The following HELZ variants were observed in gnomAD, a reference collection of about 807,000 sequenced individuals.
HELZ encodes the protein helicase with zinc finger.
In HELZ, 23 loss-of-function variants were observed where a neutral mutation model predicts 218.2. The ratio of observed to expected loss-of-function variants is 0.11; its 90% CI spans 0.08 to 0.15. The LOEUF (loss-of-function observed/expected upper bound fraction) is 0.15. HELZ is among the 10% of genes least tolerant of loss of function. HELZ has a pLI of 1.00. For synonymous variants in HELZ, 814 were observed against 829.4 expected (o/e 0.98, Z 0.32); for missense variants, 1,813 against 2,353.7 (o/e 0.77, Z 4.75).
At chr17:67,175,772 A>G (rs2039438461) in intron 13 of HELZ, among the ~76,000 whole-genome samples, 1 of 152,220 alleles carries the variant, frequency 6.6e-6, no homozygotes, top group Admixed American at 6.5e-5. Flanking sequence ...TACTTGTCAC[A>G]TGTTAGGCAG....
intron 5 of HELZ, among the ~76,000 whole-genome samples, chr17:67,212,269 C>A (rs911502385): frequency 7.4e-6 from 1 of 134,976 alleles, no homozygotes; most frequent in Admixed American, 8.6e-5. Context: ...GAGCCGAGAT[C>A]GCACCACTGC....
chr17:67,201,198 A>G lies in HELZ; in HGVS notation c.373-13T>C, dbSNP rs377679052. 14 of 1,581,440 alleles carry G rather than the reference A, an allele frequency of 8.9e-6. No homozygotes were observed. The African/African-American group carries it at 1.6e-4, about 18-fold the overall frequency. ...TTACCATCCCATTCTGAAAGGGTGA[A>G]TAAAAAAGAGAAGAACCAATTAGTA... On this transcript the variant is annotated splice_polypyrimidine_tract_variant and intron_variant, in intron 6 of 32. Coordinates refer to ENST00000358691, the MANE Select transcript of HELZ (RefSeq NM_014877.4).
intron 17 of HELZ, among the ~76,000 whole-genome samples, chr17:67,159,563 C>T (rs1254970723): frequency 6.6e-6 from 1 of 152,080 alleles, no homozygotes; most frequent in Non-Finnish European, 1.5e-5. Flanking sequence ...CAAAACTAAA[C>T]ATTAATTCAT....
chr17:67,125,343 T>TATATATACAC (rs1555605956), intron 24 of HELZ, among the ~76,000 whole-genome samples: 2 of 61,394 alleles, frequency 3.3e-5, no homozygotes, highest in African/African-American at 6.9e-5. Context: ...TATATATATA[T>TATATATACAC]ATACTTGTGA....
At position 67,236,061 on chromosome 17, in the gene HELZ, C is replaced by T. The variant is rs543945963; in HGVS notation, c.-19+3372G>A. On this transcript the variant is annotated intron_variant, in intron 3 of 32. Transcript: ENST00000358691. ...AGGCGTGAGCCACTGCACCCAGCCT[C>T]GACCACACACTCTTGTGAACAATTT... 5.9e-5 allele frequency among the ~76,000 whole-genome samples: 9 copies of T among 151,952 alleles called. No individual in the cohort carries two copies. In the East Asian group the frequency reaches 1.7e-3, roughly 30 times the overall value.
At position 67,071,684 on chromosome 17, in the gene HELZ, C is replaced by T. The variant is rs1361876001; in HGVS notation, c.*6568G>A. ...TGCAGTCCAGATAAAACAGCAACAA[C>T]ACACAAATTAAACAATACCCAAAGA... On this transcript the variant is annotated 3_prime_UTR_variant, in exon 33 of 33. Coordinates refer to ENST00000358691, the MANE Select transcript of HELZ (RefSeq NM_014877.4). 6.6e-6 allele frequency: 1 copy of T among 152,112 alleles called. No individual in the cohort carries two copies. Among genetic ancestry groups the T allele is most frequent in the East Asian group, 1.9e-4 (1 of 5,192 alleles). 9.4% of individuals were successfully genotyped at this position (152,112 alleles called of 1,614,324 possible). A position where few individuals can be genotyped will look rare whatever the true frequency, so the allele number is the denominator to read the frequency against.
intron 12 of HELZ, among the ~76,000 whole-genome samples, chr17:67,185,217 T>C (rs1454078142): frequency 2.0e-5 from 3 of 152,226 alleles, no homozygotes; most frequent in Non-Finnish European, 4.4e-5. Flanking sequence ...ATTTTTATTG[T>C]CTCAGAACAT....
At chr17:67,189,484 G>T in intron 11 of HELZ, 105 bp downstream of exon 11, 1 of 682,454 alleles carries the variant, frequency 1.5e-6, no homozygotes, top group Non-Finnish European at 2.6e-6. Context: ...AATGTACTTA[G>T]ATTAAAATAT....
intron 4 of HELZ, 114 bp downstream of exon 4, chr17:67,218,481 A>AGCCACTTC (rs2040663510): frequency 2.5e-6 from 2 of 812,576 alleles, no homozygotes; most frequent in Non-Finnish European, 4.2e-6. Context: ...AGCAATCACC[A>AGCCACTTC]GCCACTTCAC....
intron 31 of HELZ, among the ~76,000 whole-genome samples, chr17:67,095,129 G>A (rs2036703675): frequency 6.6e-6 from 1 of 152,140 alleles, no homozygotes; most frequent in African/African-American, 2.4e-5. Context: ...CTAAATTTAT[G>A]GAATATTCTA....
intron 24 of HELZ, 162 bp downstream of exon 24, chr17:67,128,489 A>T: frequency 1.5e-6 from 1 of 674,486 alleles, no homozygotes. Context: ...CTGTATTTTC[A>T]CTTACATGTC....
At chr17:67,159,095 T>C (rs2038926703) in intron 17 of HELZ, among the ~76,000 whole-genome samples, 2 of 152,202 alleles carry the variant, frequency 1.3e-5, no homozygotes, top group Non-Finnish European at 2.9e-5. Flanking sequence ...ATAGCAAAAA[T>C]GCTAACTACT....
At chr17:67,096,457 G>A (rs2036752710) in intron 31 of HELZ, among the ~76,000 whole-genome samples, 1 of 152,174 alleles carries the variant, frequency 6.6e-6, no homozygotes, top group Non-Finnish European at 1.5e-5. Flanking sequence ...CTTCCAATAA[G>A]AGGCTGTTTT....
At chr17:67,243,898 A>G (rs1333559482) in intron 1 of HELZ, 59 bp from the exon 2 acceptor site, 8 of 659,642 alleles carry the variant, frequency 1.2e-5, no homozygotes, top group African/African-American at 3.9e-5. Context: ...TATCAGTAGC[A>G]AACATTTTAT....
At chr17:67,206,705 T>TCTCCTGC in intron 5 of HELZ, among the ~76,000 whole-genome samples, 1 of 151,630 alleles carries the variant, frequency 6.6e-6, no homozygotes, top group South Asian at 2.1e-4. Flanking sequence ...TTCAGGCAAT[T>TCTCCTGC]CTCCTGCCTC....
intron 20 of HELZ, among the ~76,000 whole-genome samples, chr17:67,146,966 T>C (rs2038516465): frequency 6.6e-6 from 1 of 152,148 alleles, no homozygotes; most frequent in Non-Finnish European, 1.5e-5. Flanking sequence ...ACTGAGTTGT[T>C]GAGATATATA....
chr17:67,215,834 A>C, intron 5 of HELZ, 65 bp downstream of exon 5: 1 of 590,268 alleles, frequency 1.7e-6, no homozygotes, highest in Non-Finnish European at 2.6e-6. Flanking sequence ...GAAATTAGCC[A>C]AAAAAAAAAA....
chr17:67,107,497 C>T lies in HELZ; in HGVS notation c.4913G>A (p.Ser1638Asn). 1.2e-6 allele frequency: 2 copies of T among 1,614,116 alleles called. No individual in the cohort carries two copies. The highest frequency in any genetic ancestry group is 1.7e-6 in the Non-Finnish European group (2 of 1,180,004). Reference sequence around the variant, plus strand: ...GTTGCTGGCTACTTCAATGTCTCTGCTGTTATCATTAAAGTTAGAAAAGTG... The same window carrying T: ...GTTGCTGGCTACTTCAATGTCTCTGTTGTTATCATTAAAGTTAGAAAAGTG... The part of the protein sequence containing the change: ...SSHFSNFNDN[S>N]RDIEVASNPA... Residue 1638 changes from serine to asparagine, a missense_variant, in exon 31 of 33, where the codon AGC becomes AAC. Physicochemically the swap from Ser to Asn is conservative, Grantham distance 46. Transcript: ENST00000358691.
rs1598202337 is a variant in HELZ at position 67,094,229 on chromosome 17, G to A, written c.5242-7148C>T. 2.0e-5 allele frequency among the ~76,000 whole-genome samples: 3 copies of A among 152,162 alleles called. No homozygotes were observed. The East Asian group carries it at 5.8e-4, about 29-fold the overall frequency. The stretch of plus-strand genomic sequence containing the variant: ...CCCAGCTACTTAGGGGGCTGAGGTG[G>A]GATGATCGCTTGAGCCTGGAAGGCA... On this transcript the variant is annotated intron_variant, in intron 31 of 32. Coordinates refer to ENST00000358691, the MANE Select transcript of HELZ (RefSeq NM_014877.4).
Sources: gnomAD v4.1 joint callset for allele counts (sites outside exome capture counted in the v4.1 genomes callset) on GRCh38, gnomAD v4.1.1 for gene constraint, MANE v1.5 for transcripts, NCBI Gene and HGNC (gene_info 2026-07-23, HGNC 2026-07-21) for gene names.